The following TENM3 variants were observed in gnomAD, a reference collection of about 807,000 sequenced individuals.
TENM3 encodes teneurin-3.
In TENM3, 63 loss-of-function variants were observed where a neutral mutation model predicts 255.1. The observed-to-expected ratio is 0.25, with a 90% confidence interval of 0.20 to 0.30. The LOEUF is 0.30. TENM3 is among the 10% of genes least tolerant of loss of function. The pLI, the probability that TENM3 is intolerant of heterozygous loss-of-function variation, is 1.00. For missense variants in TENM3, 2,929 were observed against 3,461.1 expected (o/e 0.85, Z 3.86); for synonymous variants, 1,306 against 1,322.3 (o/e 0.99, Z 0.27).
At chr4:181,768,676 G>A in the TENM3 span, among the ~76,000 whole-genome samples, 147,161 of 152,268 alleles carry the variant, frequency 0.97, 71,322 homozygotes, top group East Asian at 1. Flanking sequence ...TATCAAACCA[G>A]AAGTTATTCA....
At chr4:181,931,988 C>T in the TENM3 span, among the ~76,000 whole-genome samples, 3 of 152,154 alleles carry the variant, frequency 2.0e-5, no homozygotes, top group Non-Finnish European at 4.4e-5. Context: ...AACTGGACCC[C>T]TTCCTTACAT....
intron 3 of TENM3, among the ~76,000 whole-genome samples, chr4:182,362,975 T>G (rs1435119025): frequency 6.6e-6 from 1 of 152,104 alleles, no homozygotes; most frequent in East Asian, 2.0e-4. Flanking sequence ...AAGATACCTT[T>G]CTGTCTAAGA....
At chr4:181,562,020 C>T in the TENM3 span, among the ~76,000 whole-genome samples, 1 of 152,088 alleles carries the variant, frequency 6.6e-6, no homozygotes, top group African/African-American at 2.4e-5. Flanking sequence ...TGACGTTGAT[C>T]ACTTTTATAT....
chr4:181,956,883 T>C, the TENM3 span, among the ~76,000 whole-genome samples: 4 of 152,334 alleles, frequency 2.6e-5, no homozygotes, highest in South Asian at 4.1e-4. Flanking sequence ...CAAACACTTT[T>C]CTTATTTAGA....
intron 13 of TENM3, among the ~76,000 whole-genome samples, chr4:182,722,491 G>T (rs1390836089): frequency 6.6e-6 from 1 of 152,188 alleles, no homozygotes; most frequent in East Asian, 1.9e-4. Context: ...AGCCCTCAAG[G>T]AGCTTAATGA....
At chr4:182,667,944 A>G (rs1188749791) in intron 6 of TENM3, among the ~76,000 whole-genome samples, 1 of 149,582 alleles carries the variant, frequency 6.7e-6, no homozygotes, top group African/African-American at 2.5e-5. Flanking sequence ...AACTTAAAGT[A>G]TAATAAATAC....
At chr4:182,109,807 A>G in the TENM3 span, among the ~76,000 whole-genome samples, 1 of 152,350 alleles carries the variant, frequency 6.6e-6, no homozygotes, top group East Asian at 1.9e-4. Flanking sequence ...CTAAAATTGC[A>G]TGTGTGGATG....
chr4:182,647,468 T>C (rs1264772964), intron 5 of TENM3, among the ~76,000 whole-genome samples: 1 of 152,244 alleles, frequency 6.6e-6, no homozygotes, highest in Non-Finnish European at 1.5e-5. Context: ...AGTGGAATTA[T>C]ACGGTATTTG....
chr4:181,665,482 T>C, the TENM3 span, among the ~76,000 whole-genome samples: 5 of 152,228 alleles, frequency 3.3e-5, no homozygotes, highest in African/African-American at 1.2e-4. Context: ...TACGTGTACA[T>C]ATACATGCAT....
At chr4:181,592,873 CT>C in the TENM3 span, among the ~76,000 whole-genome samples, 1 of 152,046 alleles carries the variant, frequency 6.6e-6, no homozygotes, top group Non-Finnish European at 1.5e-5. Context: ...AATTGTAATC[CT>C]TTTGCTGTTA....
At chr4:182,705,215 T>G (rs1302554630) in intron 12 of TENM3, among the ~76,000 whole-genome samples, 1 of 152,216 alleles carries the variant, frequency 6.6e-6, no homozygotes, top group Non-Finnish European at 1.5e-5. Context: ...AATTGGTACT[T>G]GACTAATCTG....
chr4:181,573,470 C>G, the TENM3 span, among the ~76,000 whole-genome samples: 1 of 151,896 alleles, frequency 6.6e-6, no homozygotes, highest in African/African-American at 2.4e-5. Flanking sequence ...AGCCACATGA[C>G]TAATGATTAC....
At chr4:181,735,779 G>A in the TENM3 span, among the ~76,000 whole-genome samples, 482 of 152,012 alleles carry the variant, frequency 3.2e-3, no homozygotes, top group Non-Finnish European at 5.4e-3. Context: ...CTACTAGATC[G>A]AATTAGTATC....
At chr4:182,639,813 C>T (rs894067760) in intron 5 of TENM3, among the ~76,000 whole-genome samples, 5 of 152,086 alleles carry the variant, frequency 3.3e-5, no homozygotes, top group Admixed American at 1.3e-4. Flanking sequence ...TAATTTGGAC[C>T]GGGTGTGGTG....
At chr4:182,368,470 T>C (rs533490811) in intron 3 of TENM3, among the ~76,000 whole-genome samples, 2 of 152,310 alleles carry the variant, frequency 1.3e-5, no homozygotes, top group South Asian at 4.1e-4. Flanking sequence ...ATCTTCAGGG[T>C]TCCCATGTTA....
At chr4:181,489,535 T>A in the TENM3 span, among the ~76,000 whole-genome samples, 1 of 152,206 alleles carries the variant, frequency 6.6e-6, no homozygotes, top group Non-Finnish European at 1.5e-5. Flanking sequence ...TGATCTGAGC[T>A]CTGTTTGAAT....
chr4:181,633,813 G>A, the TENM3 span, among the ~76,000 whole-genome samples: 6 of 152,280 alleles, frequency 3.9e-5, no homozygotes, highest in South Asian at 2.1e-4. Flanking sequence ...GTTCAGCAGC[G>A]TTTGTTCCCC....
chr4:182,262,521 C>T (rs1300499440), intron 1 of TENM3, among the ~76,000 whole-genome samples: 1 of 152,120 alleles, frequency 6.6e-6, no homozygotes, highest in Non-Finnish European at 1.5e-5. Context: ...CTCACTGCTA[C>T]ACTCCCACCA....
At chr4:181,544,422 A>AAAAAAAC in the TENM3 span, among the ~76,000 whole-genome samples, 1 of 146,792 alleles carries the variant, frequency 6.8e-6, no homozygotes, top group Non-Finnish European at 1.5e-5. Flanking sequence ...AAAAAAAAAA[A>AAAAAAAC]AAAAAAAAAA....
Sources: allele counts gnomAD v4.1 joint callset (sites outside exome capture counted in the v4.1 genomes callset), GRCh38; gene constraint gnomAD v4.1.1; transcripts MANE v1.5; gene names NCBI Gene and HGNC (gene_info 2026-07-23, HGNC 2026-07-21).